The following CFAP47 variants were observed in gnomAD, a reference collection of about 807,000 sequenced individuals.
The protein encoded by CFAP47 is cilia- and flagella-associated protein 47.
CFAP47 carries 29 observed loss-of-function variants against 148.1 expected under a neutral mutation model. The observed-to-expected ratio is 0.20, with a 90% CI of 0.15 to 0.27. The LOEUF is 0.27. CFAP47 is among the 10% of genes least tolerant of loss of function. The probability of loss-of-function intolerance (pLI) is 1.00; values close to 1 mark genes in which losing one functional copy is unlikely to be tolerated. For missense variants in CFAP47, 1,872 were observed against 1,697.5 expected, an observed-to-expected ratio of 1.10 and a Z score of -1.81; for synonymous variants, 664 against 577.3, an observed-to-expected ratio of 1.15 and a Z score of -2.15.
chrX:36,113,689 G>A (rs1358137240), intron 33 of CFAP47, among the ~76,000 whole-genome samples: 1 of 111,583 alleles, frequency 9.0e-6, no homozygotes, highest in Non-Finnish European at 1.9e-5. Flanking sequence ...TGTTTTCCAA[G>A]TTGTTTACGT....
At chrX:36,078,687 G>T (rs974937564) in intron 29 of CFAP47, among the ~76,000 whole-genome samples, 22 of 111,085 alleles carry the variant, frequency 2.0e-4, no homozygotes, top group African/African-American at 6.9e-4. Flanking sequence ...TTTAAATGGG[G>T]CATTTAGCCC....
chrX:36,347,761 C>G (rs5972041), intron 57 of CFAP47, among the ~76,000 whole-genome samples: 13,070 of 109,003 alleles, frequency 0.12, 1,193 homozygotes, highest in African/African-American at 0.31. Context: ...CAGGGAACAT[C>G]ACACACCATG....
intron 8 of CFAP47, among the ~76,000 whole-genome samples, chrX:35,960,407 A>AAAAAAAAAAAAAAAAAAAAAAAAAAAAT (rs1936313231): frequency 1.0e-5 from 1 of 100,001 alleles, no homozygotes; most frequent in African/African-American, 3.7e-5. Context: ...AAAAAAAAAA[A>AAAAAAAAAAAAAAAAAAAAAAAAAAAAT]GGACAGCTGG....
At chrX:36,284,201 T>C (rs1209542579) in intron 50 of CFAP47, among the ~76,000 whole-genome samples, 1 of 111,377 alleles carries the variant, frequency 9.0e-6, no homozygotes, top group East Asian at 2.8e-4. Context: ...TAACCTTATT[T>C]TCTGCACATT....
At position 35,989,378 on chromosome X, in the gene CFAP47, T is replaced by C; in HGVS notation, c.2773T>C (p.Ser925Pro). 8.3e-7 allele frequency: 1 copy of C among 1,211,239 alleles called. No individual in the cohort carries two copies. Among genetic ancestry groups the C allele is most frequent in the African/African-American group, 1.7e-5 (1 of 57,890 alleles). The change falls in exon 16 of 64, where the codon TCT becomes CCT. Residue 925 changes from serine (S) to proline (P), a missense_variant. Ser to Pro is a moderately conservative substitution (Grantham distance 74). Coordinates refer to ENST00000378653, the MANE Select transcript of CFAP47 (RefSeq NM_001304548.2). ...CEVTWQQGFS[S>P]PEEGEFILHV... ...AGTAACTTGGCAGCAGGGCTTCAGT[T>C]CTCCAGAAGAAGGAGAATTTATTCT... is the stretch of plus-strand genomic sequence containing the variant.
chrX:35,924,474 T>G (rs1456988380), intron 1 of CFAP47, among the ~76,000 whole-genome samples: 1 of 106,303 alleles, frequency 9.4e-6, no homozygotes, highest in Non-Finnish European at 2.0e-5. Flanking sequence ...CACCTATATG[T>G]GTATATATGT....
intron 57 of CFAP47, among the ~76,000 whole-genome samples, chrX:36,345,363 C>T (rs782635517): frequency 9.0e-6 from 1 of 111,232 alleles, no homozygotes; most frequent in Admixed American, 9.6e-5. Flanking sequence ...ACTGTTCTGC[C>T]TCAGATCATC....
At chrX:36,171,019 G>A (rs1384012407) in intron 39 of CFAP47, among the ~76,000 whole-genome samples, 1 of 111,087 alleles carries the variant, frequency 9.0e-6, no homozygotes, top group Non-Finnish European at 1.9e-5. Flanking sequence ...TCTCATTGTG[G>A]TTTTGATTTG....
chrX:35,952,033 A>T (rs766382726), intron 6 of CFAP47, 70 bp downstream of exon 6: 18 of 1,028,848 alleles, frequency 1.7e-5, no homozygotes, highest in Non-Finnish European at 1.9e-5. Context: ...CTTTAATCAG[A>T]TTCACTTTAA....
intron 62 of CFAP47, chrX:36,374,731 C>T: frequency 2.3e-6 from 1 of 430,377 alleles, no homozygotes; most frequent in East Asian, 4.2e-5. Flanking sequence ...TTTTCATTTC[C>T]ATTTGTCTCA....
chrX:36,350,709 G>A (rs1459572334), intron 59 of CFAP47, among the ~76,000 whole-genome samples: 3 of 103,597 alleles, frequency 2.9e-5, no homozygotes, highest in African/African-American at 1.1e-4. Context: ...TTTTTGCCTC[G>A]GCATACCCTA....
Position 36,205,063 on chromosome X carries a change from T to A in CFAP47, c.6770T>A (p.Ile2257Asn), listed in dbSNP as rs1341053392. The A allele has an allele frequency of 3.4e-6, 1 of 295,213 alleles. No individual in the cohort carries two copies. The allele number at this position is 295,213 out of a possible 1,213,427, so 24.3% of individuals were successfully genotyped here. The change falls in exon 45 of 64, where the codon ATT (isoleucine) becomes AAT (asparagine). Residue 2257 changes from isoleucine (I) to asparagine (N), a missense_variant. Ile to Asn is a moderately radical substitution (Grantham distance 149). Transcript: ENST00000378653. ...KYFYIPEKIS[I>N]PWIPEPQVIK... ...TTTTATATCCCTGAGAAAATCTCCA[T>A]TCCTTGGATTCCAGAACCTCAAGTA... is the stretch of plus-strand genomic sequence containing the variant.
chrX:36,025,048 T>A lies in CFAP47; in HGVS notation c.3557-6205T>A, dbSNP rs781153082. Among the ~76,000 whole-genome samples, 444 of 111,505 alleles carry A rather than the reference T, an allele frequency of 4.0e-3. 1 individual carries two copies. The highest frequency in any genetic ancestry group is 0.013 in the African/African-American group (410 of 30,687). ...ACCCTGAGAGCTAGTGCAAAAAAAA[T>A]TCATCCCGTAAGTATCTCTTCTAGG... is the stretch of plus-strand genomic sequence containing the variant. On this transcript the variant is annotated intron_variant, in intron 22 of 63. Transcript: ENST00000378653.
At chrX:36,142,830 G>T (rs1939166300) in intron 35 of CFAP47, among the ~76,000 whole-genome samples, 1 of 109,752 alleles carries the variant, frequency 9.1e-6, no homozygotes, top group African/African-American at 3.3e-5. Flanking sequence ...TCCCAGACTT[G>T]AGCCCAGAGT....
intron 48 of CFAP47, among the ~76,000 whole-genome samples, chrX:36,249,203 A>G (rs1940661247): frequency 9.1e-6 from 1 of 110,338 alleles, no homozygotes; most frequent in Non-Finnish European, 1.9e-5. Flanking sequence ...ATAAAATGAT[A>G]TGGAAAATAA....
rs1413847267 is a variant in CFAP47, at chrX:36,073,250, G to A, written c.4577G>A (p.Gly1526Glu). ...GAACAATTCCTTTCTCTTGAGGAAG[G>A]AACAAAGGCACACTACTTTTTTGAG... is the stretch of plus-strand genomic sequence containing the variant. ...KYEQFLSLEE[G>E]TKAHYFFEKV... The change falls in exon 29 of 64, where the codon GGA becomes GAA. Residue 1526 changes from glycine (G) to glutamate (E), a missense_variant. Gly to Glu is a moderately conservative substitution (Grantham distance 98, BLOSUM62 -2). Transcript: ENST00000378653. 8.3e-7 allele frequency: 1 copy of A among 1,208,950 alleles called. No individual in the cohort carries two copies. Among genetic ancestry groups the A allele is most frequent in the Admixed American group, 2.2e-5 (1 of 45,920 alleles).
At position 36,379,629 on chromosome X, in the gene CFAP47, G is replaced by T; in HGVS notation, c.9354+111G>T. Reference sequence around the variant, plus strand: ...GTGACAGATAAAGAATAACAATTTTGCTGTGCAAAAATCAACTTATCTCAA... The same window carrying T: ...GTGACAGATAAAGAATAACAATTTTTCTGTGCAAAAATCAACTTATCTCAA... On this transcript the variant is annotated intron_variant, in intron 63 of 63. Transcript: ENST00000378653. 6.2e-6 allele frequency: 4 copies of T among 648,493 alleles called. No homozygotes were observed. The South Asian group carries it at 1.2e-4, about 19-fold the overall frequency. 53.4% of individuals were successfully genotyped at this position (648,493 alleles called of 1,213,427 possible).
chrX:36,038,565 G>A (rs1000717980), intron 24 of CFAP47, among the ~76,000 whole-genome samples: 2 of 111,617 alleles, frequency 1.8e-5, no homozygotes, highest in African/African-American at 3.3e-5. Context: ...TTTCATCTCA[G>A]GACCTCCTTT....
intron 33 of CFAP47, among the ~76,000 whole-genome samples, chrX:36,104,986 T>C (rs1446609486): frequency 8.9e-6 from 1 of 111,963 alleles, no homozygotes; most frequent in Non-Finnish European, 1.9e-5. Context: ...CATTTTCAAC[T>C]GTATAGAGTA....
Sources: allele counts gnomAD v4.1 joint callset (sites outside exome capture counted in the v4.1 genomes callset), GRCh38; gene constraint gnomAD v4.1.1; transcripts MANE v1.5; gene names NCBI Gene and HGNC (gene_info 2026-07-23, HGNC 2026-07-21).